The following UBE2L3 variants were observed in gnomAD, a reference collection of about 807,000 sequenced individuals.
UBE2L3 encodes the protein ubiquitin-conjugating enzyme E2 L3.
UBE2L3 carries 1 observed loss-of-function variant against 17.8 expected under a neutral mutation model. The ratio of observed to expected loss-of-function variants is 0.06; its 90% CI spans 0.02 to 0.27. The LOEUF is 0.27. Among genes scored for constraint, UBE2L3 ranks in the 10% least tolerant of loss-of-function variants. The probability of loss-of-function intolerance (pLI) is 1.00; values close to 1 mark genes in which losing one functional copy is unlikely to be tolerated. For synonymous variants in UBE2L3, 44 were observed against 68.5 expected, an observed-to-expected ratio of 0.64 and a Z score of 1.76; for missense variants, 40 against 192.6, an observed-to-expected ratio of 0.21 and a Z score of 4.69.
chr22:21,588,941 C>T lies in UBE2L3; in HGVS notation c.28-3920C>T, dbSNP rs375025735. 9.7e-4 allele frequency among the ~76,000 whole-genome samples: 147 copies of T among 152,056 alleles called. 1 individual carries two copies. Among genetic ancestry groups the T allele is most frequent in the African/African-American group, 3.4e-3 (143 of 41,460 alleles). On this transcript the variant is annotated intron_variant, in intron 1 of 3. Transcript: ENST00000342192. ...CCTCTTAAAGTGTTGGGATTACAGG[C>T]GTGAGCCACTGCACCCGGGCTGTAT...
At chr22:21,612,208 G>A (rs1174443016) in intron 3 of UBE2L3, among the ~76,000 whole-genome samples, 1 of 152,190 alleles carries the variant, frequency 6.6e-6, no homozygotes, top group African/African-American at 2.4e-5. Context: ...AGAAAGGAGT[G>A]GGTGCTAAAC....
chr22:21,602,482 T>G (rs917836813), intron 2 of UBE2L3, among the ~76,000 whole-genome samples: 4 of 152,116 alleles, frequency 2.6e-5, no homozygotes, highest in Admixed American at 6.5e-5. Flanking sequence ...GTGACTTCTG[T>G]GGGATGAAGG....
intron 1 of UBE2L3, among the ~76,000 whole-genome samples, chr22:21,588,749 C>A (rs1210215289): frequency 6.6e-6 from 1 of 150,890 alleles, no homozygotes; most frequent in African/African-American, 2.4e-5. Flanking sequence ...CTACAACCTC[C>A]GCCTCCTGGG....
At chr22:21,605,496 C>CTTTTTT (rs761564585) in intron 2 of UBE2L3, among the ~76,000 whole-genome samples, 1 of 151,832 alleles carries the variant, frequency 6.6e-6, no homozygotes, top group African/African-American at 2.4e-5. Context: ...GATAGGGTTT[C>CTTTTTT]TTTTTTTTCT....
chr22:21,561,057 A>G (rs1926414007), intron 1 of UBE2L3, among the ~76,000 whole-genome samples: 1 of 152,212 alleles, frequency 6.6e-6, no homozygotes, highest in Non-Finnish European at 1.5e-5. Context: ...GGGAGAAAGG[A>G]AAGAAAGAGG....
At chr22:21,567,621 T>A (rs1926696367), upstream of UBE2L3, 4 of 1,533,858 alleles carry the variant, frequency 2.6e-6, no homozygotes, top group South Asian at 4.9e-5. Context: ...AAGCACACAG[T>A]AGGTGCTCCG....
At chr22:21,592,260 C>T (rs907142576) in intron 1 of UBE2L3, among the ~76,000 whole-genome samples, 7 of 151,962 alleles carry the variant, frequency 4.6e-5, no homozygotes, top group Non-Finnish European at 2.9e-5. Context: ...GTTTCCCGTC[C>T]CCACCCCCCC....
intron 1 of UBE2L3, among the ~76,000 whole-genome samples, chr22:21,588,109 T>A (rs936018133): frequency 6.6e-6 from 1 of 152,198 alleles, no homozygotes; most frequent in Non-Finnish European, 1.5e-5. Context: ...CTTGGGTTGC[T>A]TCTTGCTCTG....
At chr22:21,592,675 C>A (rs1464750951) in intron 1 of UBE2L3, among the ~76,000 whole-genome samples, 186 bp from the exon 2 acceptor site, 1 of 152,182 alleles carries the variant, frequency 6.6e-6, no homozygotes, top group Non-Finnish European at 1.5e-5. Flanking sequence ...AGGCAACAAC[C>A]TTGCAGAGGG....
chr22:21,560,360 C>T (rs1441763155), intron 1 of UBE2L3, among the ~76,000 whole-genome samples: 39 of 152,390 alleles, frequency 2.6e-4, no homozygotes, highest in African/African-American at 8.7e-4. Flanking sequence ...CTGCTATCAG[C>T]GTCTCTGTTT....
intron 2 of UBE2L3, 100 bp downstream of exon 2, chr22:21,593,056 G>C (rs765509017): frequency 9.8e-6 from 10 of 1,017,052 alleles, no homozygotes; most frequent in Non-Finnish European, 1.4e-5. Context: ...TCTTAGTCTA[G>C]GCAGCCAGCA....
At chr22:21,586,520 C>T (rs369483778) in intron 1 of UBE2L3, among the ~76,000 whole-genome samples, 1 of 150,618 alleles carries the variant, frequency 6.6e-6, no homozygotes, top group East Asian at 1.9e-4. Flanking sequence ...ATCCGCCCAC[C>T]TCGGCCTCCC....
intron 2 of UBE2L3, among the ~76,000 whole-genome samples, chr22:21,601,014 AC>A (rs1337877922): frequency 4.6e-5 from 7 of 151,910 alleles, no homozygotes; most frequent in African/African-American, 1.7e-4. Flanking sequence ...TACTAAAAAT[AC>A]AAAAAATTAG....
At chr22:21,560,448 T>C in intron 1 of UBE2L3, among the ~76,000 whole-genome samples, 2 of 2,886 alleles carry the variant, frequency 6.9e-4, no homozygotes. Context: ...TTAGATCTAT[T>C]TTTTTTTTTT....
At chr22:21,613,057 TG>T (rs1475397757) in intron 3 of UBE2L3, among the ~76,000 whole-genome samples, 2 of 152,174 alleles carry the variant, frequency 1.3e-5, no homozygotes, top group Non-Finnish European at 2.9e-5. Flanking sequence ...CCATCGTGCC[TG>T]GGGAGTGGCA....
At chr22:21,618,686 C>G (rs1929905878) in intron 3 of UBE2L3, among the ~76,000 whole-genome samples, 1 of 152,028 alleles carries the variant, frequency 6.6e-6, no homozygotes, top group Admixed American at 6.5e-5. Flanking sequence ...ATTGTGGGCT[C>G]AAGCAATCAT....
intron 1 of UBE2L3, among the ~76,000 whole-genome samples, chr22:21,574,058 A>G (rs977256462): frequency 2.6e-5 from 4 of 152,146 alleles, no homozygotes; most frequent in South Asian, 2.1e-4. Flanking sequence ...TGCTACAGCT[A>G]TCCAGGAGAA....
At chr22:21,595,645 T>G (rs1354930967) in intron 2 of UBE2L3, among the ~76,000 whole-genome samples, 1 of 152,232 alleles carries the variant, frequency 6.6e-6, no homozygotes, top group Non-Finnish European at 1.5e-5. Context: ...GTCTATTCCC[T>G]TTAAACATTT....
At chr22:21,600,581 A>C (rs1218311020) in intron 2 of UBE2L3, among the ~76,000 whole-genome samples, 2 of 152,126 alleles carry the variant, frequency 1.3e-5, no homozygotes, top group Non-Finnish European at 2.9e-5. Context: ...CTGTAATCTC[A>C]GATACTAGAG....
Sources: allele counts gnomAD v4.1 joint callset (sites outside exome capture counted in the v4.1 genomes callset), GRCh38; gene constraint gnomAD v4.1.1; transcripts MANE v1.5; gene names NCBI Gene and HGNC (gene_info 2026-07-23, HGNC 2026-07-21).